ATXN10: variants seen among roughly 807,000 people sequenced by gnomAD.
ATXN10 encodes the protein ataxin 10.
In ATXN10, 28 loss-of-function variants were observed where a neutral mutation model predicts 52.9. The observed-to-expected ratio is 0.53, with a 90% CI of 0.39 to 0.73. ATXN10 has a LOEUF of 0.73. Ranked by LOEUF, ATXN10 falls within the 30% of genes least tolerant of loss-of-function variation. The probability of loss-of-function intolerance (pLI) is 0.00; values close to 1 mark genes in which losing one functional copy is unlikely to be tolerated. For synonymous variants in ATXN10, 226 were observed against 221.5 expected (o/e 1.02, Z -0.18); for missense variants, 565 against 577.0 (o/e 0.98, Z 0.21).
At chr22:45,771,271 G>A (rs1328060514) in intron 9 of ATXN10, among the ~76,000 whole-genome samples, 1 of 152,128 alleles carries the variant, frequency 6.6e-6, no homozygotes, top group Non-Finnish European at 1.5e-5. Context: ...ATCCTCGTCA[G>A]CTCTTGGTAT....
At chr22:45,773,621 C>A (rs1926850936) in intron 9 of ATXN10, among the ~76,000 whole-genome samples, 1 of 151,988 alleles carries the variant, frequency 6.6e-6, no homozygotes, top group Non-Finnish European at 1.5e-5. Context: ...TCATGCCTGG[C>A]TAATTTTTGT....
At chr22:45,793,710 C>A in intron 9 of ATXN10, 1 of 1,479,438 alleles carries the variant, frequency 6.8e-7, no homozygotes, top group Non-Finnish European at 9.0e-7. Context: ...CATGCTGAGG[C>A]CCTCTTGCCT....
intron 10 of ATXN10, among the ~76,000 whole-genome samples, chr22:45,839,136 T>C (rs1044008944): frequency 1.3e-5 from 2 of 152,244 alleles, no homozygotes; most frequent in South Asian, 4.1e-4. Context: ...GGTTTACTAT[T>C]ATTGGCTTGG....
chr22:45,685,690 G>A (rs531037091), intron 1 of ATXN10, among the ~76,000 whole-genome samples: 22 of 152,296 alleles, frequency 1.4e-4, no homozygotes, highest in Non-Finnish European at 2.4e-4. Context: ...AGGTAAAGAT[G>A]TATAGAAGAG....
At chr22:45,717,470 A>T (rs956766790) in intron 5 of ATXN10, among the ~76,000 whole-genome samples, 4 of 152,198 alleles carry the variant, frequency 2.6e-5, no homozygotes, top group African/African-American at 9.6e-5. Context: ...ACCTGCCCAG[A>T]TTGATAGGAA....
At chr22:45,811,811 A>C (rs1199997921) in intron 10 of ATXN10, 47 of 470,294 alleles carry the variant, frequency 1.0e-4, no homozygotes, top group Non-Finnish European at 1.7e-4. Context: ...TTGATTCCCC[A>C]TTCATTCAGT....
At chr22:45,798,870 A>G (rs1331134252) in intron 9 of ATXN10, among the ~76,000 whole-genome samples, 1 of 152,264 alleles carries the variant, frequency 6.6e-6, no homozygotes, top group African/African-American at 2.4e-5. Context: ...TTTAAATGCC[A>G]CATACAATAG....
In ATXN10 at chr22:45,810,449, C is replaced by T. The variant is rs1440996506; in HGVS notation, c.1237+3427C>T. Among the ~76,000 whole-genome samples, 4 of 152,192 alleles carry T rather than the reference C, an allele frequency of 2.6e-5. No individual in the cohort carries two copies. In the East Asian group the frequency reaches 7.7e-4, roughly 29 times the overall value. On this transcript the variant is annotated intron_variant, in intron 10 of 11. Coordinates refer to ENST00000252934, the MANE Select transcript of ATXN10 (RefSeq NM_013236.4). ...TCAGTATAAATTCTACACATTTGGT[C>T]GTGTGCACATGCACATACATGTATA...
chr22:45,834,047 C>T (rs1929081741), intron 10 of ATXN10, among the ~76,000 whole-genome samples: 1 of 152,228 alleles, frequency 6.6e-6, no homozygotes, highest in South Asian at 2.1e-4. Flanking sequence ...TGCTTTCACA[C>T]TTAGAACAGC....
intron 1 of ATXN10, among the ~76,000 whole-genome samples, chr22:45,680,335 CTT>C (rs1237494057): frequency 7.2e-5 from 11 of 152,252 alleles, no homozygotes; most frequent in African/African-American, 2.6e-4. Context: ...TTTAAAAAGA[CTT>C]AAGTGGTAAG....
chr22:45,706,552 G>A (rs1924048411), intron 5 of ATXN10, among the ~76,000 whole-genome samples: 1 of 152,088 alleles, frequency 6.6e-6, no homozygotes, highest in African/African-American at 2.4e-5. Context: ...AAATTTCCTG[G>A]TAGGAACTAC....
rs1159312420 is a variant in ATXN10, at chr22:45,774,566, G to GA, written c.1174-32392dup. 2.0e-5 allele frequency among the ~76,000 whole-genome samples: 3 copies of GA among 152,224 alleles called. No homozygotes were observed. Among genetic ancestry groups the GA allele is most frequent in the African/African-American group, 7.2e-5 (3 of 41,460 alleles). Reference sequence around the variant, plus strand: ...TCCTGACCAGTGTTGTACAGCAAAGGATCCCAACTCTAGGAAATCTTCCAT... The same window carrying GA: ...TCCTGACCAGTGTTGTACAGCAAAGGAATCCCAACTCTAGGAAATCTTCCAT... On this transcript the variant is annotated intron_variant, in intron 9 of 11. Transcript: ENST00000252934. This position sits in a 1 kb window ranked among gnomAD's most constrained non-coding sequence, Gnocchi z 6.2.
At position 45,840,615 on chromosome 22, in the gene ATXN10, G is replaced by A. The variant is rs1476514778; in HGVS notation, c.1238-2376G>A. Among the ~76,000 whole-genome samples, 1 of 152,128 alleles carries A rather than the reference G, an allele frequency of 6.6e-6. No homozygotes were observed. The highest frequency in any genetic ancestry group is 2.4e-5 in the African/African-American group (1 of 41,410). ...GAGGTGGGTAGGGGCCGTCTGGCAG[G>A]GTCTCACGTGCCCTGGAGTGGAGCA... On this transcript the variant is annotated intron_variant, in intron 10 of 11. Transcript: ENST00000252934. This position sits in a 1 kb window ranked among gnomAD's most constrained non-coding sequence, Gnocchi z 5.8.
Position 45,696,645 on chromosome 22 carries a change from C to T in ATXN10, c.391+3567C>T, listed in dbSNP as rs1442731655. Among the ~76,000 whole-genome samples, 1 of 152,200 alleles carries T rather than the reference C, an allele frequency of 6.6e-6. No individual in the cohort carries two copies. Among genetic ancestry groups the T allele is most frequent in the Admixed American group, 6.5e-5 (1 of 15,282 alleles). On this transcript the variant is annotated intron_variant, in intron 3 of 11. Coordinates refer to ENST00000252934, the MANE Select transcript of ATXN10 (RefSeq NM_013236.4). This position sits in a 1 kb window ranked among gnomAD's most constrained non-coding sequence, Gnocchi z 4.7. The stretch of plus-strand genomic sequence containing the variant: ...TTCATCAGCAAGTAATATGCCCTCC[C>T]ATTTTTCATTTAAAAATATCTTCTT...
chr22:45,776,170 C>T (rs547367713), intron 9 of ATXN10, among the ~76,000 whole-genome samples: 2 of 152,160 alleles, frequency 1.3e-5, no homozygotes, highest in African/African-American at 2.4e-5. Context: ...AAAAAACACC[C>T]GTTGTGTAAA....
At chr22:45,691,379 C>A (rs1190064135) in intron 2 of ATXN10, among the ~76,000 whole-genome samples, 1 of 152,152 alleles carries the variant, frequency 6.6e-6, no homozygotes, top group Non-Finnish European at 1.5e-5. Flanking sequence ...GGCTTTGTCC[C>A]AAGGGTTTTG....
intron 5 of ATXN10, chr22:45,704,002 A>G (rs1923941206): frequency 6.6e-6 from 1 of 152,162 alleles, no homozygotes; most frequent in Non-Finnish European, 1.5e-5. Flanking sequence ...TCTGGCATGC[A>G]TGGTATATAT....
At chr22:45,756,759 C>T (rs1926187678) in intron 9 of ATXN10, among the ~76,000 whole-genome samples, 1 of 152,160 alleles carries the variant, frequency 6.6e-6, no homozygotes, top group African/African-American at 2.4e-5. Flanking sequence ...CTGCACTTAG[C>T]TCATATTACT....
intron 7 of ATXN10, chr22:45,738,440 T>TTC (rs1925382510): frequency 2.8e-6 from 1 of 356,236 alleles, no homozygotes; most frequent in African/African-American, 2.1e-5. Context: ...ACTGTTGGAA[T>TTC]GTCTTTTTGC....
Sources: gnomAD v4.1 joint callset for allele counts (sites outside exome capture counted in the v4.1 genomes callset) on GRCh38, gnomAD v4.1.1 for gene constraint, Gnocchi (gnomAD v3.1) non-coding constraint, MANE v1.5 for transcripts, NCBI Gene and HGNC (gene_info 2026-07-23, HGNC 2026-07-21) for gene names.